LTBP1: variants seen among roughly 807,000 people sequenced by gnomAD.
LTBP1 encodes latent-transforming growth factor beta-binding protein 1.
A neutral mutation model predicts 207.6 loss-of-function variants in LTBP1; 129 were observed. The observed-to-expected ratio is 0.62, with a 90% CI of 0.54 to 0.72. LTBP1 has a LOEUF of 0.72. Among genes scored for constraint, LTBP1 ranks in the 30% least tolerant of loss-of-function variants. LTBP1 has a pLI of 0.00. For synonymous variants in LTBP1, 963 were observed against 833.7 expected, an observed-to-expected ratio of 1.16 and a Z score of -2.67; for missense variants, 2,281 against 2,217.2, an observed-to-expected ratio of 1.03 and a Z score of -0.58.
chr2:33,328,350 T>G (rs1337619277), intron 24 of LTBP1, among the ~76,000 whole-genome samples: 1 of 152,104 alleles, frequency 6.6e-6, no homozygotes, highest in Admixed American at 6.6e-5. Flanking sequence ...ACTTCATTAT[T>G]GTAGATTCGT....
At chr2:33,381,517 A>C (rs1029679605) in intron 31 of LTBP1, among the ~76,000 whole-genome samples, 5 of 152,218 alleles carry the variant, frequency 3.3e-5, no homozygotes, top group African/African-American at 1.2e-4. Flanking sequence ...CCAAGACTTT[A>C]GACTTCATTA....
intron 19 of LTBP1, among the ~76,000 whole-genome samples, chr2:33,280,539 A>G (rs546220445): frequency 3.2e-4 from 49 of 152,328 alleles, no homozygotes; most frequent in African/African-American, 8.2e-4. Flanking sequence ...AATTTTCAAC[A>G]GAAGTATCAA....
At chr2:33,392,906 C>T (rs1465347422) in intron 32 of LTBP1, among the ~76,000 whole-genome samples, 1 of 150,426 alleles carries the variant, frequency 6.6e-6, no homozygotes, top group Non-Finnish European at 1.5e-5. Context: ...TGGGGTCTCA[C>T]TATATTGCCC....
At chr2:33,245,387 G>T (rs534273322) in intron 10 of LTBP1, among the ~76,000 whole-genome samples, 10 of 152,172 alleles carry the variant, frequency 6.6e-5, no homozygotes, top group Non-Finnish European at 1.5e-4. Flanking sequence ...AAAAATGACA[G>T]TCTCATTTAT....
chr2:33,146,484 C>T (rs1057489002), intron 5 of LTBP1, among the ~76,000 whole-genome samples: 1 of 152,178 alleles, frequency 6.6e-6, no homozygotes. Context: ...TTGCATGTCC[C>T]TATTCAGTAT....
intron 7 of LTBP1, among the ~76,000 whole-genome samples, chr2:33,212,866 G>A (rs1426591005): frequency 6.6e-6 from 1 of 152,128 alleles, no homozygotes; most frequent in Non-Finnish European, 1.5e-5. Context: ...TGCTCAACTG[G>A]TATTTTCAAA....
chr2:33,117,450 T>A (rs2080812603), intron 4 of LTBP1, among the ~76,000 whole-genome samples: 1 of 152,206 alleles, frequency 6.6e-6, no homozygotes, highest in Non-Finnish European at 1.5e-5. Flanking sequence ...TGCAGTCTGA[T>A]ACCACAAAGA....
At chr2:33,011,615 C>T (rs1241992838) in intron 2 of LTBP1, among the ~76,000 whole-genome samples, 3 of 151,918 alleles carry the variant, frequency 2.0e-5, no homozygotes, top group Admixed American at 1.3e-4. Flanking sequence ...CTTTTAGCTC[C>T]CAGAATTGTG....
At chr2:33,373,211 G>A (rs990371325) in intron 31 of LTBP1, among the ~76,000 whole-genome samples, 3 of 152,140 alleles carry the variant, frequency 2.0e-5, no homozygotes. Context: ...TAGAAAGATG[G>A]TTTTAAAACA....
intron 31 of LTBP1, among the ~76,000 whole-genome samples, chr2:33,379,643 C>G (rs2150365338): frequency 6.6e-6 from 1 of 152,362 alleles, no homozygotes; most frequent in Non-Finnish European, 1.5e-5. Context: ...GGAGGGTCAT[C>G]TCAGATTGAA....
intron 26 of LTBP1, among the ~76,000 whole-genome samples, chr2:33,360,235 A>AT (rs2150024037): frequency 6.6e-6 from 1 of 152,252 alleles, no homozygotes; most frequent in East Asian, 1.9e-4. Context: ...ATTTGGGAAA[A>AT]TTTTTATTGA....
At chr2:33,300,851 A>T (rs1246230872) in intron 21 of LTBP1, among the ~76,000 whole-genome samples, 1 of 152,220 alleles carries the variant, frequency 6.6e-6, no homozygotes, top group East Asian at 1.9e-4. Context: ...ACAGAAGGTA[A>T]TTTCCATTTA....
intron 5 of LTBP1, among the ~76,000 whole-genome samples, chr2:33,137,590 T>C (rs1350450762): frequency 6.6e-6 from 1 of 152,234 alleles, no homozygotes; most frequent in African/African-American, 2.4e-5. Context: ...TGCCATTCTC[T>C]AAGGAGTCAA....
chr2:33,189,387 G>T (rs1336030216), intron 7 of LTBP1, among the ~76,000 whole-genome samples: 1 of 152,120 alleles, frequency 6.6e-6, no homozygotes, highest in Admixed American at 6.5e-5. Context: ...GTAGAGATGG[G>T]GTTTCACCAT....
At chr2:33,338,002 A>C (rs1056904461) in intron 24 of LTBP1, among the ~76,000 whole-genome samples, 3 of 152,242 alleles carry the variant, frequency 2.0e-5, no homozygotes, top group African/African-American at 7.2e-5. Flanking sequence ...TCACATCATC[A>C]AAGAAAATTC....
rs554853616 is a variant in LTBP1 at position 33,381,118 on chromosome 2, A to G, written c.4712-8066A>G. Among the ~76,000 whole-genome samples the G allele has an allele frequency of 2.6e-5, 4 of 152,296 alleles. No individual in the cohort carries two copies. The East Asian group carries it at 7.7e-4, about 29-fold the overall frequency. ...TGTTGTTCAGTCTTGTCTCTTATCA[A>G]TTTTAGAAGCCTCATTCCTGATTTC... On this transcript the variant is annotated intron_variant, in intron 31 of 33. Coordinates refer to ENST00000404816, the MANE Select transcript of LTBP1 (RefSeq NM_206943.4).
At chr2:33,115,036 A>ATG (rs1480939299) in intron 4 of LTBP1, among the ~76,000 whole-genome samples, 1 of 96,564 alleles carries the variant, frequency 1.0e-5, no homozygotes, top group East Asian at 3.6e-4. Context: ...AAACAGATAT[A>ATG]TACACACACA....
chr2:33,126,080 G>A (rs1221119562), intron 4 of LTBP1, among the ~76,000 whole-genome samples: 1 of 152,070 alleles, frequency 6.6e-6, no homozygotes, highest in Non-Finnish European at 1.5e-5. Context: ...TGCCCCATGA[G>A]TGAGTGTCTC....
At chr2:33,307,564 G>C (rs2094118189) in intron 22 of LTBP1, among the ~76,000 whole-genome samples, 2 of 152,208 alleles carry the variant, frequency 1.3e-5, no homozygotes, top group Non-Finnish European at 2.9e-5. Flanking sequence ...GAATGTATTG[G>C]GGATGGAAAT....
Sources: allele counts gnomAD v4.1 joint callset (sites outside exome capture counted in the v4.1 genomes callset), GRCh38; gene constraint gnomAD v4.1.1; transcripts MANE v1.5; gene names NCBI Gene and HGNC (gene_info 2026-07-23, HGNC 2026-07-21).